Variants in IL12RB2 observed in about 807,000 individuals in gnomAD.
IL12RB2 encodes the protein interleukin 12 receptor subunit beta 2, also known as interleukin-12 receptor subunit beta-2.
In IL12RB2, 82 loss-of-function variants were observed where a neutral mutation model predicts 89.4. That is an observed-to-expected ratio of 0.92 (90% CI 0.77 to 1.10). The LOEUF (loss-of-function observed/expected upper bound fraction) is 1.10, where lower values mean the gene tolerates loss of function less well. Ranked by LOEUF, IL12RB2 falls within the 50% of genes least tolerant of loss-of-function variation. The pLI is 0.00. For missense variants in IL12RB2, 963 were observed against 1,031.9 expected, an observed-to-expected ratio of 0.93 and a Z score of 0.92; for synonymous variants, 368 against 370.1, an observed-to-expected ratio of 0.99 and a Z score of 0.07.
In IL12RB2 at chr1:67,397,201, C is replaced by T. The variant is rs1308489115; in HGVS notation, c.*1112C>T. 6.6e-6 allele frequency among the ~76,000 whole-genome samples: 1 copy of T among 152,016 alleles called. No homozygotes were observed. Among genetic ancestry groups the T allele is most frequent in the African/African-American group, 2.4e-5 (1 of 41,402 alleles). On this transcript the variant is annotated 3_prime_UTR_variant, in exon 17 of 17. Transcript: ENST00000674203. Reference sequence around the variant, plus strand: ...TTTATTGTTTTATTTTGGCTTCATCCTCTTTCAGCAAATCAAGGGCAGCTG... The same window carrying T: ...TTTATTGTTTTATTTTGGCTTCATCTTCTTTCAGCAAATCAAGGGCAGCTG...
At chr1:67,378,848 CAAAAAA>C (rs56260019) in intron 13 of IL12RB2, among the ~76,000 whole-genome samples, 47,557 of 90,976 alleles carry the variant, frequency 0.52, 10,048 homozygotes, top group South Asian at 0.6. Context: ...AGACTCTTCT[CAAAAAA>C]AAAAAAAAAA....
Position 67,336,789 on chromosome 1 carries a change from A to G in IL12RB2, c.959-1835A>G, listed in dbSNP as rs536952375. ...GGCTATGGGCTCTGGGATAAAACGG[A>G]TTTGTGTTCAAAGCCTGGCATCTCT... On this transcript the variant is annotated intron_variant, in intron 8 of 16. Transcript: ENST00000674203. Among the ~76,000 whole-genome samples the G allele has an allele frequency of 3.9e-5, 6 of 152,272 alleles. No individual in the cohort carries two copies. The East Asian group carries it at 9.7e-4, about 25-fold the overall frequency.
At chr1:67,385,977 G>A (rs944872424) in intron 14 of IL12RB2, among the ~76,000 whole-genome samples, 3 of 152,184 alleles carry the variant, frequency 2.0e-5, no homozygotes, top group East Asian at 1.9e-4. Flanking sequence ...TTGGGAGGCC[G>A]AGGCAGGCAG....
chr1:67,345,765 C>T (rs1660146907), intron 9 of IL12RB2, among the ~76,000 whole-genome samples: 1 of 152,186 alleles, frequency 6.6e-6, no homozygotes. Flanking sequence ...AAAGAAAGGG[C>T]TGCTTTTCCT....
In IL12RB2 at chr1:67,362,920, T is replaced by TG. The variant is rs72502663; in HGVS notation, c.1259-4905_1259-4904insG. Among the ~76,000 whole-genome samples, 937 of 151,896 alleles carry TG rather than the reference T, an allele frequency of 6.2e-3. 5 individuals carry two copies. The highest frequency in any genetic ancestry group is 6.7e-3 in the Non-Finnish European group (457 of 67,890). ...AACTTTAATTACTCGTTTTTTTTTTTTGTGACGGAGTCTTGCTCTGTCACC... is the reference window on the plus strand; with the variant it reads ...AACTTTAATTACTCGTTTTTTTTTTTGTGTGACGGAGTCTTGCTCTGTCACC... On this transcript the variant is annotated intron_variant, in intron 10 of 16. Coordinates refer to ENST00000674203, the MANE Select transcript of IL12RB2 (RefSeq NM_001374259.2).
At chr1:67,363,464 C>T (rs1045699773) in intron 10 of IL12RB2, among the ~76,000 whole-genome samples, 4 of 151,936 alleles carry the variant, frequency 2.6e-5, no homozygotes, top group South Asian at 2.1e-4. Flanking sequence ...GATTCGCCCA[C>T]CTCAGCCTCC....
chr1:67,367,331 G>A (rs1010190665), intron 10 of IL12RB2, among the ~76,000 whole-genome samples: 1 of 151,892 alleles, frequency 6.6e-6, no homozygotes, highest in Non-Finnish European at 1.5e-5. Flanking sequence ...GGAGGTTGAG[G>A]CTGCAGTGAT....
At chr1:67,364,273 C>T (rs1427962957) in intron 10 of IL12RB2, among the ~76,000 whole-genome samples, 1 of 152,198 alleles carries the variant, frequency 6.6e-6, no homozygotes, top group African/African-American at 2.4e-5. Flanking sequence ...TGCCTGTCAT[C>T]TCAGCTACTT....
At chr1:67,339,825 C>T (rs1908631) in intron 9 of IL12RB2, among the ~76,000 whole-genome samples, 7 of 152,170 alleles carry the variant, frequency 4.6e-5, no homozygotes, top group African/African-American at 1.7e-4. Flanking sequence ...AGACTGAAAC[C>T]TTATCCAGAA....
At chr1:67,339,332 C>CA (rs1216453482) in intron 9 of IL12RB2, among the ~76,000 whole-genome samples, 1 of 151,884 alleles carries the variant, frequency 6.6e-6, no homozygotes, top group Non-Finnish European at 1.5e-5. Context: ...ACTGAAAATA[C>CA]AAAAATTAGC....
intron 1 of IL12RB2, among the ~76,000 whole-genome samples, chr1:67,313,587 G>A (rs1294304957): frequency 6.6e-6 from 1 of 152,138 alleles, no homozygotes; most frequent in Non-Finnish European, 1.5e-5. Flanking sequence ...CACTGTGGGA[G>A]GCCGAGGCAG....
intron 5 of IL12RB2, among the ~76,000 whole-genome samples, chr1:67,327,585 T>C (rs1050862459): frequency 1.3e-5 from 2 of 152,174 alleles, no homozygotes; most frequent in Non-Finnish European, 2.9e-5. Flanking sequence ...AGTTTCTTTT[T>C]AAAGCACCAT....
At position 67,397,111 on chromosome 1, in the gene IL12RB2, A is replaced by G. The variant is rs1286473722; in HGVS notation, c.*1022A>G. Among the ~76,000 whole-genome samples, 1 of 151,524 alleles carries G rather than the reference A, an allele frequency of 6.6e-6. No homozygotes were observed. The highest frequency in any genetic ancestry group is 1.5e-5 in the Non-Finnish European group (1 of 67,920). ...CACTGCACTCCAGCCTGGGCAACAG[A>G]GCAAGACTCTGTCTCAAAAAAGAAA... On this transcript the variant is annotated 3_prime_UTR_variant, in exon 17 of 17. Coordinates refer to ENST00000674203, the MANE Select transcript of IL12RB2 (RefSeq NM_001374259.2).
intron 6 of IL12RB2, among the ~76,000 whole-genome samples, chr1:67,328,772 G>A (rs1273598063): frequency 6.6e-6 from 1 of 152,178 alleles, no homozygotes; most frequent in Non-Finnish European, 1.5e-5. Context: ...TTGTGAGATA[G>A]GCTACATGTG....
At chr1:67,389,865 A>C (rs1665616098) in intron 15 of IL12RB2, among the ~76,000 whole-genome samples, 164 bp from the exon 16 acceptor site, 2 of 152,208 alleles carry the variant, frequency 1.3e-5, no homozygotes, top group Non-Finnish European at 2.9e-5. Flanking sequence ...ATTTTACAGA[A>C]AACTACCGTA....
rs149481168 is a variant in IL12RB2, at chr1:67,330,719, A to G, written c.867A>G (p.Glu289=). 2.2e-5 allele frequency: 34 copies of G among 1,526,720 alleles called. No homozygotes were observed. Among genetic ancestry groups the G allele is most frequent in the African/African-American group, 2.7e-5 (2 of 73,210 alleles). The allele number at this position is 1,526,720 out of a possible 1,614,324, so 94.6% of individuals were successfully genotyped here. Residue 289 remains glutamate (E), a synonymous_variant, in exon 8 of 17, where the codon GAA becomes GAG. Transcript: ENST00000674203. The stretch of plus-strand genomic sequence containing the variant: ...TGCTGGATCTGAAACCATTTACAGA[A>G]TATGAATTTCAGATTTCCTCTAAGC... ...HDLLDLKPFT[E]YEFQISSKLH...
chr1:67,329,506 CTT>C (rs1657769682), intron 6 of IL12RB2, 79 bp from the exon 7 acceptor site: 1 of 868,856 alleles, frequency 1.2e-6, no homozygotes, highest in Non-Finnish European at 2.0e-6. Context: ...TTGTCAAACT[CTT>C]TATAGCTCAT....
intron 10 of IL12RB2, among the ~76,000 whole-genome samples, chr1:67,366,572 T>A (rs1433369985): frequency 6.6e-6 from 1 of 152,040 alleles, no homozygotes; most frequent in East Asian, 1.9e-4. Context: ...TACTAAATAT[T>A]GGTGGAGAAA....
chr1:67,351,626 T>G (rs1169701331), intron 10 of IL12RB2, among the ~76,000 whole-genome samples: 1 of 152,158 alleles, frequency 6.6e-6, no homozygotes. Context: ...GTGAGACCCC[T>G]TTCATCAAAA....
Sources: gnomAD v4.1 joint callset for allele counts (sites outside exome capture counted in the v4.1 genomes callset) on GRCh38, gnomAD v4.1.1 for gene constraint, MANE v1.5 for transcripts, NCBI Gene and HGNC (gene_info 2026-07-23, HGNC 2026-07-21) for gene names.